Variants in CMIP observed in about 807,000 individuals in gnomAD.
The protein encoded by CMIP is C-Maf-inducing protein.
CMIP carries 13 observed loss-of-function variants against 97.3 expected under a neutral mutation model. That is an observed-to-expected ratio of 0.13 (90% CI 0.09 to 0.21). The LOEUF (loss-of-function observed/expected upper bound fraction) is 0.21. Ranked by LOEUF, CMIP falls within the 10% of genes least tolerant of loss-of-function variation. The pLI is 1.00. For missense variants in CMIP, 847 were observed against 1,024.9 expected (o/e 0.83, Z 2.37); for synonymous variants, 538 against 436.3 (o/e 1.23, Z -2.91).
intron 1 of CMIP, among the ~76,000 whole-genome samples, chr16:81,543,649 C>T (rs1316831899): frequency 6.6e-6 from 1 of 152,182 alleles, no homozygotes. Flanking sequence ...GTTTCCCCAC[C>T]TAGAGCTAAG....
At chr16:81,497,703 C>A (rs1432361823) in intron 1 of CMIP, among the ~76,000 whole-genome samples, 1 of 152,238 alleles carries the variant, frequency 6.6e-6, no homozygotes. Flanking sequence ...GTGCAGAATC[C>A]CGGTTTTCTG....
At chr16:81,694,019 C>A (rs1211335946) in intron 13 of CMIP, among the ~76,000 whole-genome samples, 1 of 152,240 alleles carries the variant, frequency 6.6e-6, no homozygotes, top group Non-Finnish European at 1.5e-5. Context: ...GGAAGCCAGC[C>A]TGTAGCCCTG....
chr16:81,533,470 T>C (rs1211950925), intron 1 of CMIP, among the ~76,000 whole-genome samples: 1 of 152,218 alleles, frequency 6.6e-6, no homozygotes, highest in Non-Finnish European at 1.5e-5. Context: ...TGTGCTTTAT[T>C]GTTTTTATTT....
chr16:81,626,716 G>A (rs1157320636), intron 3 of CMIP, among the ~76,000 whole-genome samples: 1 of 144,724 alleles, frequency 6.9e-6, no homozygotes, highest in Non-Finnish European at 1.5e-5. Flanking sequence ...GAGGGTGTGT[G>A]GTGTGGGGAG....
At chr16:81,664,169 A>C in intron 6 of CMIP, 100 bp from the exon 7 acceptor site, 2 of 1,107,510 alleles carry the variant, frequency 1.8e-6, no homozygotes, top group Non-Finnish European at 2.5e-6. Context: ...GAACCCAGGC[A>C]CCCACAGCTG....
intron 7 of CMIP, among the ~76,000 whole-genome samples, chr16:81,668,583 CCT>C (rs2092636942): frequency 6.6e-6 from 1 of 152,136 alleles, no homozygotes. Context: ...TGACCTGGCC[CCT>C]TGACAGAGCC....
chr16:81,572,168 G>A (rs1300748196), intron 1 of CMIP, among the ~76,000 whole-genome samples: 1 of 152,224 alleles, frequency 6.6e-6, no homozygotes, highest in African/African-American at 2.4e-5. Flanking sequence ...TCAGCTCCGC[G>A]TCTGAAGCAG....
chr16:81,588,015 G>A (rs1024439772), intron 1 of CMIP, among the ~76,000 whole-genome samples: 1 of 152,160 alleles, frequency 6.6e-6, no homozygotes, highest in Admixed American at 6.5e-5. Flanking sequence ...GTCTAAGGCT[G>A]CCGGCTCTTG....
chr16:81,477,436 C>T (rs143033457), intron 1 of CMIP, among the ~76,000 whole-genome samples: 1 of 152,214 alleles, frequency 6.6e-6, no homozygotes, highest in African/African-American at 2.4e-5. Flanking sequence ...GCTGGGATTA[C>T]AGGCGTGAGC....
At chr16:81,583,497 T>A (rs1039515527) in intron 1 of CMIP, among the ~76,000 whole-genome samples, 5 of 152,252 alleles carry the variant, frequency 3.3e-5, no homozygotes, top group African/African-American at 1.2e-4. Flanking sequence ...TTGGGAATAC[T>A]TGACCCTGGG....
chr16:81,561,151 C>T (rs2090875012), intron 1 of CMIP, among the ~76,000 whole-genome samples: 5 of 152,190 alleles, frequency 3.3e-5, no homozygotes, highest in South Asian at 2.1e-4. Context: ...GACAGGGTTT[C>T]ACCATGTTGA....
At chr16:81,686,028 C>A (rs533521369) in intron 10 of CMIP, among the ~76,000 whole-genome samples, 1 of 152,346 alleles carries the variant, frequency 6.6e-6, no homozygotes, top group South Asian at 2.1e-4. Flanking sequence ...GCCAGGGCAG[C>A]CCATCACTGT....
intron 1 of CMIP, among the ~76,000 whole-genome samples, chr16:81,555,598 G>A (rs777766106): frequency 2.6e-4 from 39 of 152,302 alleles, no homozygotes; most frequent in Non-Finnish European, 5.4e-4. Flanking sequence ...TTTGGGGCCC[G>A]GAGAGATCTG....
At chr16:81,699,593 G>A (rs540791606) in intron 14 of CMIP, 92 bp from the exon 15 acceptor site, 1 of 790,990 alleles carries the variant, frequency 1.3e-6, no homozygotes, top group South Asian at 1.6e-5. Context: ...AGGCAGGTCT[G>A]TTCAACGGCT....
chr16:81,481,097 C>T (rs1908233241), intron 1 of CMIP, among the ~76,000 whole-genome samples: 1 of 152,180 alleles, frequency 6.6e-6, no homozygotes, highest in African/African-American at 2.4e-5. Flanking sequence ...TGGTTTGTCC[C>T]TCCTATTTGC....
intron 3 of CMIP, chr16:81,645,541 C>G (rs748500342): frequency 6.5e-7 from 1 of 1,536,048 alleles, no homozygotes; most frequent in Non-Finnish European, 8.7e-7. Context: ...CCTGAGAACC[C>G]TGGCATATGT....
intron 1 of CMIP, among the ~76,000 whole-genome samples, chr16:81,486,492 G>A (rs572297557): frequency 3.9e-5 from 6 of 152,154 alleles, no homozygotes; most frequent in African/African-American, 1.4e-4. Flanking sequence ...TCGGGTCCTC[G>A]CTGGAGTTCA....
chr16:81,595,167 A>G (rs2091533387), intron 1 of CMIP, among the ~76,000 whole-genome samples: 1 of 151,964 alleles, frequency 6.6e-6, no homozygotes, highest in Non-Finnish European at 1.5e-5. Context: ...AGGTTGTACA[A>G]CAATCACTAC....
intron 4 of CMIP, among the ~76,000 whole-genome samples, chr16:81,653,933 T>G (rs1200812632): frequency 6.6e-6 from 1 of 152,170 alleles, no homozygotes; most frequent in Non-Finnish European, 1.5e-5. Flanking sequence ...CCTTTCTGTC[T>G]TCACTTCACA....
Sources: allele counts gnomAD v4.1 joint callset (sites outside exome capture counted in the v4.1 genomes callset), GRCh38; gene constraint gnomAD v4.1.1; transcripts MANE v1.5; gene names NCBI Gene and HGNC (gene_info 2026-07-23, HGNC 2026-07-21).